The following VWA5B1 variants were observed in gnomAD, a reference collection of about 807,000 sequenced individuals.
The protein encoded by VWA5B1 is von Willebrand factor A domain containing 5B1.
In VWA5B1, 115 loss-of-function variants were observed where a neutral mutation model predicts 118.2. The observed-to-expected ratio is 0.97, with a 90% CI of 0.84 to 1.14. VWA5B1 has a LOEUF of 1.14. Among genes scored for constraint, VWA5B1 ranks in the 50% most tolerant of loss-of-function variants. The pLI, the probability that VWA5B1 is intolerant of heterozygous loss-of-function variation, is 0.00. For synonymous variants in VWA5B1, 682 were observed against 658.4 expected, an observed-to-expected ratio of 1.04 and a Z score of -0.55; for missense variants, 1,596 against 1,603.8, an observed-to-expected ratio of 1.00 and a Z score of 0.08.
At chr1:20,300,902 T>G (rs1023620029) in intron 1 of VWA5B1, among the ~76,000 whole-genome samples, 2 of 152,222 alleles carry the variant, frequency 1.3e-5, no homozygotes, top group Non-Finnish European at 2.9e-5. Flanking sequence ...AGACCATATG[T>G]GTGATGGCAG....
chr1:20,323,178 G>T lies in VWA5B1; in HGVS notation c.967-178G>T, dbSNP rs984691121. On this transcript the variant is annotated intron_variant, in intron 7 of 21. Transcript: ENST00000289815. Reference sequence around the variant, plus strand: ...CTTTCTGTCTGCAAAGTCCATGCTTGCTGTTGCAACCCGTGAAGGTCTAGC... The same window carrying T: ...CTTTCTGTCTGCAAAGTCCATGCTTTCTGTTGCAACCCGTGAAGGTCTAGC... 8.9e-5 allele frequency: 42 copies of T among 472,266 alleles called. No individual in the cohort carries two copies. The East Asian group carries it at 1.5e-3, about 17-fold the overall frequency. The allele number at this position is 472,266 out of a possible 1,614,324, so 29.3% of individuals were successfully genotyped here.
rs1352305775 is a variant in VWA5B1, at chr1:20,342,744, C to G, written c.2311+135C>G. ...GTGGTCTGCTGCGGCTCACCCCTCTCTGAGGACCTCACCAATCCCACGCTT... is the reference window on the plus strand; with the variant it reads ...GTGGTCTGCTGCGGCTCACCCCTCTGTGAGGACCTCACCAATCCCACGCTT... On this transcript the variant is annotated intron_variant, in intron 15 of 21. Transcript: ENST00000289815. 1.0e-5 allele frequency: 12 copies of G among 1,163,366 alleles called. No individual in the cohort carries two copies. In the East Asian group the frequency reaches 3.0e-4, roughly 29 times the overall value. The allele number at this position is 1,163,366 out of a possible 1,614,324, so 72.1% of individuals were successfully genotyped here.
intron 4 of VWA5B1, 34 bp from the exon 5 acceptor site, chr1:20,317,496 C>T: frequency 6.5e-7 from 1 of 1,547,784 alleles, no homozygotes; most frequent in East Asian, 2.4e-5. Context: ...TCCACCCTGG[C>T]TGGTCTCCTT....
intron 1 of VWA5B1, among the ~76,000 whole-genome samples, chr1:20,304,594 G>A (rs1294304887): frequency 6.6e-6 from 1 of 150,794 alleles, no homozygotes; most frequent in Non-Finnish European, 1.5e-5. Context: ...TGTGTGTGTG[G>A]TGACAGAGGG....
In VWA5B1 at chr1:20,350,235, G is replaced by A. The variant is rs1169473386; in HGVS notation, c.2953+5G>A. On this transcript the variant is annotated splice_donor_5th_base_variant and intron_variant, in intron 19 of 21. Coordinates refer to ENST00000289815, the MANE Select transcript of VWA5B1 (RefSeq NM_001039500.3). ...AGAAGCACGGTGCTTCTGAAGGTGA[G>A]TGGGCAGGTGGCGCTGCCTCTTCAT... 6.4e-7 allele frequency: 1 copy of A among 1,550,864 alleles called. No homozygotes were observed. Among genetic ancestry groups the A allele is most frequent in the Non-Finnish European group, 8.7e-7 (1 of 1,146,970 alleles).
rs867276726 is a variant in VWA5B1 at position 20,314,416 on chromosome 1, G to A, written c.387G>A (p.Val129=). ...AGGATTTGGAGCGGATCCTGTTCGT[G>A]GCCAACCTGGGGACCATTGCCCCCA... ...LDEDLERILF[V]ANLGTIAPME... The change falls in exon 4 of 22, where the codon GTG becomes GTA. Residue 129 remains valine, a synonymous_variant. Transcript: ENST00000289815. 3 of 1,551,946 alleles carry A rather than the reference G, an allele frequency of 1.9e-6. No individual in the cohort carries two copies. The highest frequency in any genetic ancestry group is 3.3e-4 in the Middle Eastern group (2 of 5,994).
chr1:20,336,551 T>C, intron 13 of VWA5B1, 65 bp downstream of exon 13: 1 of 1,284,544 alleles, frequency 7.8e-7, no homozygotes, highest in Middle Eastern at 2.0e-4. Flanking sequence ...AAGCACTTGG[T>C]AAAAACCACC....
chr1:20,295,488 C>T (rs979106424), intron 1 of VWA5B1, among the ~76,000 whole-genome samples: 3 of 152,138 alleles, frequency 2.0e-5, no homozygotes, highest in African/African-American at 7.2e-5. Flanking sequence ...TGGAAGGATC[C>T]TAGTCCCCAG....
In VWA5B1 at chr1:20,354,500, T is replaced by G; in HGVS notation, c.*237T>G. The stretch of plus-strand genomic sequence containing the variant: ...GGCCTCAGTTTCCTCATCTATAAAA[T>G]AAGAGGGCGAGATGAAGGAGGTGGA... On this transcript the variant is annotated 3_prime_UTR_variant, in exon 22 of 22. Transcript: ENST00000289815. The G allele has an allele frequency of 1.8e-6, 1 of 556,212 alleles. No homozygotes were observed. Among genetic ancestry groups the G allele is most frequent in the Non-Finnish European group, 3.2e-6 (1 of 316,970 alleles). The allele number at this position is 556,212 out of a possible 1,614,324, so 34.5% of individuals were successfully genotyped here.
At chr1:20,345,245 T>C (rs1194040568) in intron 16 of VWA5B1, among the ~76,000 whole-genome samples, 5 of 152,258 alleles carry the variant, frequency 3.3e-5, no homozygotes, top group Admixed American at 6.5e-5. Flanking sequence ...CATTAAAATA[T>C]CCTTTATTTT....
intron 6 of VWA5B1, among the ~76,000 whole-genome samples, chr1:20,319,019 A>G (rs961842982): frequency 3.3e-5 from 5 of 152,142 alleles, no homozygotes; most frequent in African/African-American, 1.2e-4. Context: ...TTGAAACCCA[A>G]AGCTCAGTGA....
At position 20,356,007 on chromosome 1, in the gene VWA5B1, T is replaced by G. The variant is rs1249711110; in HGVS notation, c.*1744T>G. On this transcript the variant is annotated 3_prime_UTR_variant, in exon 22 of 22. Coordinates refer to ENST00000289815, the MANE Select transcript of VWA5B1 (RefSeq NM_001039500.3). ...CAGGATGCCAATCTGGGGTGTTGGCTCAAAGTCAGTGCCACCAAGGCGGGT... is the reference window on the plus strand; with the variant it reads ...CAGGATGCCAATCTGGGGTGTTGGCGCAAAGTCAGTGCCACCAAGGCGGGT... Among the ~76,000 whole-genome samples the G allele has an allele frequency of 6.6e-6, 1 of 152,230 alleles. No homozygotes were observed. Among genetic ancestry groups the G allele is most frequent in the East Asian group, 1.9e-4 (1 of 5,184 alleles).
At chr1:20,323,579 A>G (rs1423546809) in intron 8 of VWA5B1, 47 bp downstream of exon 8, 2 of 1,332,164 alleles carry the variant, frequency 1.5e-6, no homozygotes, top group Non-Finnish European at 9.6e-7. Flanking sequence ...CTCCAGGGGA[A>G]ATCAGCTGTG....
At chr1:20,353,723 T>C (rs1324944593) in intron 21 of VWA5B1, 34 bp from the exon 22 acceptor site, 1 of 1,446,362 alleles carries the variant, frequency 6.9e-7, no homozygotes, top group Non-Finnish European at 9.1e-7. Flanking sequence ...GCTAAAACAT[T>C]TGAGGCCCAC....
At chr1:20,297,634 G>A (rs908488423) in intron 1 of VWA5B1, among the ~76,000 whole-genome samples, 6 of 152,328 alleles carry the variant, frequency 3.9e-5, no homozygotes, top group African/African-American at 1.4e-4. Flanking sequence ...GGTCATCTTG[G>A]GTTGAGTCCC....
intron 10 of VWA5B1, among the ~76,000 whole-genome samples, 179 bp downstream of exon 10, chr1:20,330,561 T>A (rs2089520002): frequency 6.6e-6 from 1 of 152,164 alleles, no homozygotes; most frequent in Non-Finnish European, 1.5e-5. Flanking sequence ...CCTCTCAAGT[T>A]CTGAATGGGT....
At chr1:20,325,968 T>C (rs1201650195) in intron 8 of VWA5B1, among the ~76,000 whole-genome samples, 1 of 152,142 alleles carries the variant, frequency 6.6e-6, no homozygotes, top group Admixed American at 6.6e-5. Context: ...TCCGGCCAAT[T>C]TAATTTCCTG....
intron 1 of VWA5B1, among the ~76,000 whole-genome samples, chr1:20,308,536 G>T (rs1453651591): frequency 2.0e-5 from 3 of 152,126 alleles, no homozygotes; most frequent in African/African-American, 7.2e-5. Context: ...GGAAATGAAG[G>T]CCGCCATCTT....
At chr1:20,312,578 C>T (rs1262143376) in intron 2 of VWA5B1, among the ~76,000 whole-genome samples, 1 of 152,214 alleles carries the variant, frequency 6.6e-6, no homozygotes, top group Non-Finnish European at 1.5e-5. Flanking sequence ...CATGTTTTCA[C>T]TCTCTTGGAA....
Sources: gnomAD v4.1 joint callset for allele counts (sites outside exome capture counted in the v4.1 genomes callset) on GRCh38, gnomAD v4.1.1 for gene constraint, MANE v1.5 for transcripts, NCBI Gene and HGNC (gene_info 2026-07-23, HGNC 2026-07-21) for gene names.